Variants in CEP95 observed in about 807,000 individuals in gnomAD.
CEP95 encodes centrosomal protein of 95 kDa.
A neutral mutation model predicts 111.2 loss-of-function variants in CEP95; 98 were observed. That is an observed-to-expected ratio of 0.88 (90% CI 0.75 to 1.04). The LOEUF (loss-of-function observed/expected upper bound fraction) is 1.04. CEP95 is among the 50% of genes least tolerant of loss of function. The probability of loss-of-function intolerance (pLI) is 0.00; values close to 1 mark genes in which losing one functional copy is unlikely to be tolerated. For synonymous variants in CEP95, 323 were observed against 327.1 expected (o/e 0.99, Z 0.14); for missense variants, 1,027 against 977.2 (o/e 1.05, Z -0.68).
intron 3 of CEP95, among the ~76,000 whole-genome samples, chr17:64,510,906 C>T (rs570720548): frequency 1.3e-5 from 2 of 152,150 alleles, no homozygotes; most frequent in East Asian, 1.9e-4. Context: ...ATCTAAGCAT[C>T]GGCAGGTTTG....
chr17:64,532,973 A>G lies in CEP95; in HGVS notation c.1807A>G (p.Arg603Gly). ...QVEQLKKEAC[R>G]ENRSKKKLQD... ...TGAACAGCTTAAGAAAGAAGCATGT[A>G]GAGAAAATCGATCAAAGAAGAAACT... Residue 603 changes from arginine (R) to glycine (G), a missense_variant, in exon 15 of 20, where the codon AGA (arginine) becomes GGA (glycine). Arg to Gly is a moderately radical substitution (Grantham distance 125). Coordinates refer to ENST00000556440, the MANE Select transcript of CEP95 (RefSeq NM_138363.3). The G allele has an allele frequency of 1.2e-6, 2 of 1,612,726 alleles. No homozygotes were observed. The highest frequency in any genetic ancestry group is 1.1e-5 in the South Asian group (1 of 90,668).
chr17:64,532,189 C>CCTG, intron 14 of CEP95, 167 bp downstream of exon 14: 2 of 1,308,128 alleles, frequency 1.5e-6, no homozygotes, highest in Non-Finnish European at 1.9e-6. Context: ...AGGGCTAAAA[C>CCTG]TCTTCAATAA....
intron 14 of CEP95, 153 bp from the exon 15 acceptor site, chr17:64,532,686 C>CA (rs1968362047): frequency 7.0e-7 from 1 of 1,434,196 alleles, no homozygotes; most frequent in African/African-American, 1.4e-5. Context: ...TTACTCCAAT[C>CA]AGAGGAGTAA....
In CEP95 at chr17:64,507,569, G is replaced by A. The variant is rs183049402; in HGVS notation, c.19+453G>A. On this transcript the variant is annotated intron_variant, in intron 1 of 19. Transcript: ENST00000556440. ...GAATATGCCCCTGTAGAATAGTTGT[G>A]CTTTTTTCTCTTCAGTGCCCTCTAG... 4.0e-4 allele frequency: 412 copies of A among 1,029,972 alleles called. 1 individual carries two copies. In the Middle Eastern group the frequency reaches 8.7e-3, roughly 22 times the overall value. 63.8% of individuals were successfully genotyped at this position (1,029,972 alleles called of 1,614,324 possible).
chr17:64,529,276 T>G lies in CEP95; in HGVS notation c.1307-12T>G. 6.2e-7 allele frequency: 1 copy of G among 1,604,080 alleles called. No homozygotes were observed. Among genetic ancestry groups the G allele is most frequent in the Non-Finnish European group, 8.5e-7 (1 of 1,176,730 alleles). ...TCAGGAACTAATGTTATATGTCTTT[T>G]CTCTGTTGCAGGACTTTCCATGCGT... is the stretch of plus-strand genomic sequence containing the variant. On this transcript the variant is annotated splice_polypyrimidine_tract_variant and intron_variant, in intron 11 of 19. Coordinates refer to ENST00000556440, the MANE Select transcript of CEP95 (RefSeq NM_138363.3).
chr17:64,531,969 C>G lies in CEP95; in HGVS notation c.1619C>G (p.Thr540Ser). 6.2e-7 allele frequency: 1 copy of G among 1,611,286 alleles called. No individual in the cohort carries two copies. ...CCCTGGAAGATTTACTCTAGAAAAA[C>G]CACAACGCAGAGTCTAAGAGGTGGC... ...SQPWKIYSRK[T>S]TTQSLRGGLP... is the part of the protein sequence containing the mutation. Residue 540 changes from threonine to serine, a missense_variant, in exon 14 of 20, where the codon ACC becomes AGC. Physicochemically the swap from Thr to Ser is moderately conservative, Grantham distance 58. Coordinates refer to ENST00000556440, the MANE Select transcript of CEP95 (RefSeq NM_138363.3).
intron 1 of CEP95, chr17:64,507,928 C>G (rs1375284860): frequency 1.5e-5 from 15 of 985,196 alleles, no homozygotes; most frequent in Non-Finnish European, 1.7e-5. Flanking sequence ...CCAGCAATAT[C>G]TAGGGGAGAG....
intron 4 of CEP95, chr17:64,514,686 A>G (rs1158236867): frequency 5.5e-6 from 2 of 364,994 alleles, no homozygotes; most frequent in Non-Finnish European, 9.8e-6. Context: ...CAGAACTGCT[A>G]TTTATGGTAA....
chr17:64,534,845 A>G, intron 17 of CEP95, 108 bp downstream of exon 17: 4 of 1,317,942 alleles, frequency 3.0e-6, no homozygotes, highest in Non-Finnish European at 4.3e-6. Flanking sequence ...CCAAAATCTA[A>G]ACTGAAGTCC....
chr17:64,516,262 G>A (rs181139786), intron 4 of CEP95, among the ~76,000 whole-genome samples: 41 of 152,310 alleles, frequency 2.7e-4, no homozygotes, highest in Non-Finnish European at 4.6e-4. Context: ...GTGAAAGTAT[G>A]TATTCTTCAA....
At chr17:64,533,362 A>G (rs1555680855) in intron 16 of CEP95, among the ~76,000 whole-genome samples, 171 bp downstream of exon 16, 1 of 152,140 alleles carries the variant, frequency 6.6e-6, no homozygotes, top group Non-Finnish European at 1.5e-5. Context: ...TAATCCCAGC[A>G]CTTTGGGAGG....
At position 64,510,474 on chromosome 17, in the gene CEP95, T is replaced by C. The variant is rs559022495; in HGVS notation, c.256+194T>C. On this transcript the variant is annotated intron_variant, in intron 3 of 19. Coordinates refer to ENST00000556440, the MANE Select transcript of CEP95 (RefSeq NM_138363.3). ...TTCCAGGAGAGCTGAACATTGATTTTGCAATTGATCTGGGTCTGAAACGTA... is the reference window on the plus strand; with the variant it reads ...TTCCAGGAGAGCTGAACATTGATTTCGCAATTGATCTGGGTCTGAAACGTA... Among the ~76,000 whole-genome samples the C allele has an allele frequency of 7.9e-5, 12 of 152,346 alleles. No individual in the cohort carries two copies. In the South Asian group the frequency reaches 2.5e-3, roughly 32 times the overall value.
At chr17:64,523,119 G>A (rs782267961) in intron 8 of CEP95, among the ~76,000 whole-genome samples, 10 of 152,116 alleles carry the variant, frequency 6.6e-5, no homozygotes, top group Non-Finnish European at 1.5e-4. Flanking sequence ...GTATACACCT[G>A]CACATTCTTG....
At chr17:64,517,897 C>G (rs1966997363) in intron 5 of CEP95, among the ~76,000 whole-genome samples, 1 of 151,552 alleles carries the variant, frequency 6.6e-6, no homozygotes. Flanking sequence ...TTTTTTGAGA[C>G]ACAGTCTTGC....
chr17:64,510,440 T>C (rs1483420234), intron 3 of CEP95, among the ~76,000 whole-genome samples, 160 bp downstream of exon 3: 1 of 152,246 alleles, frequency 6.6e-6, no homozygotes, highest in Non-Finnish European at 1.5e-5. Context: ...GGTCCATACA[T>C]GAGAACTTTT....
chr17:64,507,823 T>C (rs1555673482), intron 1 of CEP95: 1 of 985,316 alleles, frequency 1.0e-6, no homozygotes, highest in East Asian at 1.1e-4. Context: ...TAATACCGAT[T>C]GAAAGTGCTT....
chr17:64,522,615 A>G (rs1568138663), intron 7 of CEP95, 87 bp from the exon 8 acceptor site: 2 of 788,980 alleles, frequency 2.5e-6, no homozygotes, highest in Non-Finnish European at 4.0e-6. Flanking sequence ...GTATGTGAAC[A>G]TGTTTATATA....
At chr17:64,528,791 C>G (rs1277144131) in intron 11 of CEP95, among the ~76,000 whole-genome samples, 2 of 152,142 alleles carry the variant, frequency 1.3e-5, no homozygotes, top group Non-Finnish European at 2.9e-5. Flanking sequence ...TTTATTAGAT[C>G]TCTTTGGCAG....
intron 10 of CEP95, chr17:64,526,907 C>T: frequency 2.6e-6 from 1 of 385,070 alleles, no homozygotes; most frequent in South Asian, 2.8e-5. Context: ...TTACAGTGAG[C>T]CCAGCTAGCA....
Sources: allele counts gnomAD v4.1 joint callset (sites outside exome capture counted in the v4.1 genomes callset), GRCh38; gene constraint gnomAD v4.1.1; transcripts MANE v1.5; gene names NCBI Gene and HGNC (gene_info 2026-07-23, HGNC 2026-07-21).